Variants in SH3RF3 observed in about 807,000 individuals in gnomAD.
SH3RF3 encodes the protein E3 ubiquitin-protein ligase SH3RF3.
Under a neutral mutation model 66.3 loss-of-function variants are expected in SH3RF3, and 29 were observed. That is an observed-to-expected ratio of 0.44 (90% CI 0.33 to 0.60). The LOEUF is 0.60. Among genes scored for constraint, SH3RF3 ranks in the 20% least tolerant of loss-of-function variants. The pLI is 0.04. For synonymous variants in SH3RF3, 583 were observed against 532.0 expected, an observed-to-expected ratio of 1.10 and a Z score of -1.32; for missense variants, 1,194 against 1,190.9, an observed-to-expected ratio of 1.00 and a Z score of -0.04.
At chr2:109,453,873 T>A (rs1677960365) in intron 8 of SH3RF3, among the ~76,000 whole-genome samples, 1 of 152,114 alleles carries the variant, frequency 6.6e-6, no homozygotes, top group African/African-American at 2.4e-5. Context: ...GATCCTTGGC[T>A]GAGGGTCAGC....
chr2:109,211,312 G>A (rs1678968804), intron 1 of SH3RF3, among the ~76,000 whole-genome samples: 1 of 152,228 alleles, frequency 6.6e-6, no homozygotes, highest in South Asian at 2.1e-4. Flanking sequence ...CCTGGATTTT[G>A]TTTAACATCT....
intron 1 of SH3RF3, among the ~76,000 whole-genome samples, chr2:109,186,405 G>A (rs1678187804): frequency 6.6e-6 from 1 of 152,244 alleles, no homozygotes; most frequent in Non-Finnish European, 1.5e-5. Context: ...GCGGAGCCTC[G>A]ATACGAACCT....
rs76004882 is a variant in SH3RF3 at position 109,322,212 on chromosome 2, G to A, written c.574-25462G>A. Among the ~76,000 whole-genome samples, 1,351 of 152,248 alleles carry A rather than the reference G, an allele frequency of 8.9e-3. 11 individuals are homozygous for A. Among genetic ancestry groups the A allele is most frequent in the Non-Finnish European group, 0.013 (867 of 68,006 alleles). ...CCCTTCAAGCATTCTGGAATCCCCC[G>A]AATAATCACCACTCCTTCTCCCTTC... On this transcript the variant is annotated intron_variant, in intron 1 of 9. Transcript: ENST00000309415.
intron 1 of SH3RF3, among the ~76,000 whole-genome samples, chr2:109,213,494 A>G (rs1418630663): frequency 6.6e-6 from 1 of 152,196 alleles, no homozygotes; most frequent in Non-Finnish European, 1.5e-5. Context: ...CAGGATCTGC[A>G]GGGAGCCTGG....
chr2:109,273,483 C>T (rs2105324430), intron 1 of SH3RF3, among the ~76,000 whole-genome samples: 1 of 152,304 alleles, frequency 6.6e-6, no homozygotes, highest in Middle Eastern at 3.4e-3. Context: ...AACTGAGAGC[C>T]TGCAGCATGT....
intron 4 of SH3RF3, among the ~76,000 whole-genome samples, chr2:109,419,147 G>A (rs779229357): frequency 3.3e-5 from 5 of 152,198 alleles, no homozygotes; most frequent in Non-Finnish European, 5.9e-5. Context: ...TCCTGGGGAC[G>A]CTCTTTTTAA....
At chr2:109,447,555 G>T (rs1438728232) in intron 7 of SH3RF3, among the ~76,000 whole-genome samples, 1 of 152,206 alleles carries the variant, frequency 6.6e-6, no homozygotes, top group Non-Finnish European at 1.5e-5. Context: ...GCAGCTGGAT[G>T]TGAGCTGCGT....
chr2:109,456,079 C>T (rs1159611655), intron 8 of SH3RF3, among the ~76,000 whole-genome samples: 1 of 152,224 alleles, frequency 6.6e-6, no homozygotes, highest in Non-Finnish European at 1.5e-5. Context: ...TCGCTGGGCT[C>T]CCAGGCCCAC....
chr2:109,464,647 T>TA (rs1381912874), intron 8 of SH3RF3, among the ~76,000 whole-genome samples: 1 of 152,214 alleles, frequency 6.6e-6, no homozygotes, highest in Non-Finnish European at 1.5e-5. Flanking sequence ...AGACTTTTTT[T>TA]AAAGAGACTT....
chr2:109,181,929 A>G (rs1010761417), intron 1 of SH3RF3, among the ~76,000 whole-genome samples: 1 of 152,084 alleles, frequency 6.6e-6, no homozygotes, highest in Non-Finnish European at 1.5e-5. Flanking sequence ...TTATATTGCC[A>G]TGGCTGTAAG....
intron 1 of SH3RF3, among the ~76,000 whole-genome samples, chr2:109,245,992 C>A (rs926851907): frequency 6.6e-6 from 1 of 152,160 alleles, no homozygotes; most frequent in African/African-American, 2.4e-5. Context: ...TCACAAAAAA[C>A]CAGTGTGGTG....
Position 109,278,553 on chromosome 2 carries a change from A to G in SH3RF3, c.574-69121A>G, listed in dbSNP as rs554480236. Among the ~76,000 whole-genome samples the G allele has an allele frequency of 6.6e-5, 10 of 152,326 alleles. No homozygotes were observed. In the East Asian group the frequency reaches 1.5e-3, roughly 24 times the overall value. On this transcript the variant is annotated intron_variant, in intron 1 of 9. Transcript: ENST00000309415. Reference sequence around the variant, plus strand: ...GGGGTTACTGGAATGTCGGGCCCCAATGTCACTGCATAGCAATGTATCCCA... The same window carrying G: ...GGGGTTACTGGAATGTCGGGCCCCAGTGTCACTGCATAGCAATGTATCCCA...
chr2:109,256,341 G>GT (rs1326254860), intron 1 of SH3RF3, among the ~76,000 whole-genome samples: 2 of 152,216 alleles, frequency 1.3e-5, no homozygotes, highest in Non-Finnish European at 2.9e-5. Context: ...AGCTTGGAAG[G>GT]TGCTCTGGGC....
At chr2:109,233,418 G>A (rs1221514126) in intron 1 of SH3RF3, among the ~76,000 whole-genome samples, 6 of 152,300 alleles carry the variant, frequency 3.9e-5, no homozygotes, top group Non-Finnish European at 8.8e-5. Context: ...TCCTTTCAAT[G>A]TTCAGACACT....
chr2:109,387,932 T>C (rs1357463471), intron 3 of SH3RF3, among the ~76,000 whole-genome samples: 1 of 151,930 alleles, frequency 6.6e-6, no homozygotes, highest in Non-Finnish European at 1.5e-5. Context: ...GCTCCCACAC[T>C]GGCCCAGATT....
intron 1 of SH3RF3, among the ~76,000 whole-genome samples, chr2:109,178,143 A>G (rs933197865): frequency 2.0e-5 from 3 of 152,138 alleles, no homozygotes; most frequent in Non-Finnish European, 4.4e-5. Context: ...CAACAAACCT[A>G]CCCTTTCTTA....
chr2:109,210,538 C>G (rs530767715), intron 1 of SH3RF3, among the ~76,000 whole-genome samples: 5 of 152,284 alleles, frequency 3.3e-5, no homozygotes, highest in African/African-American at 1.2e-4. Context: ...GATGGGACAT[C>G]TGGGGCTTTC....
rs889058368 is a variant in SH3RF3 at position 109,251,568 on chromosome 2, G to A, written c.574-96106G>A. The stretch of plus-strand genomic sequence containing the variant: ...TGATAGATGAATGTGTGGAGATGGC[G>A]ACTGGTGGGCAACAGAACAATATTG... On this transcript the variant is annotated intron_variant, in intron 1 of 9. Transcript: ENST00000309415. The A allele has an allele frequency of 1.9e-5, 16 of 822,746 alleles. No homozygotes were observed. In the East Asian group the frequency reaches 2.0e-4, roughly 10 times the overall value. 51.0% of individuals were successfully genotyped at this position (822,746 alleles called of 1,614,324 possible).
intron 4 of SH3RF3, 47 bp from the exon 5 acceptor site, chr2:109,419,492 A>G: frequency 1.3e-6 from 2 of 1,530,836 alleles, no homozygotes; most frequent in Non-Finnish European, 1.8e-6. Flanking sequence ...TTTCCCTTGG[A>G]TGGAGTCTCT....
Sources: gnomAD v4.1 joint callset for allele counts (sites outside exome capture counted in the v4.1 genomes callset) on GRCh38, gnomAD v4.1.1 for gene constraint, MANE v1.5 for transcripts, NCBI Gene and HGNC (gene_info 2026-07-23, HGNC 2026-07-21) for gene names.